The following KCNMA1 variants were observed in gnomAD, a reference collection of about 807,000 sequenced individuals.
KCNMA1 encodes potassium calcium-activated channel subfamily M alpha 1.
In KCNMA1, 29 loss-of-function variants were observed where a neutral mutation model predicts 140.0. The observed-to-expected ratio is 0.21, with a 90% confidence interval of 0.15 to 0.28. KCNMA1 has a LOEUF of 0.28. Among genes scored for constraint, KCNMA1 ranks in the 10% least tolerant of loss-of-function variants. The probability of loss-of-function intolerance (pLI) is 1.00; values close to 1 mark genes in which losing one functional copy is unlikely to be tolerated. For synonymous variants in KCNMA1, 612 were observed against 611.9 expected (o/e 1.00, Z 0.00); for missense variants, 880 against 1,602.2 (o/e 0.55, Z 7.70).
At chr10:76,987,113 C>G (rs1441026522) in intron 19 of KCNMA1, among the ~76,000 whole-genome samples, 1 of 149,684 alleles carries the variant, frequency 6.7e-6, no homozygotes, top group Non-Finnish European at 1.5e-5. Flanking sequence ...GACCTTTTTC[C>G]TTGAGATACA....
chr10:77,084,553 T>G, intron 12 of KCNMA1, 84 bp downstream of exon 12: 1 of 1,040,522 alleles, frequency 9.6e-7, no homozygotes, highest in South Asian at 1.3e-5. Flanking sequence ...CTCATAGAGA[T>G]AGTCCTCTGC....
chr10:77,189,079 G>A (rs2098914319), intron 3 of KCNMA1, among the ~76,000 whole-genome samples: 1 of 151,974 alleles, frequency 6.6e-6, no homozygotes, highest in Non-Finnish European at 1.5e-5. Flanking sequence ...AATCTTGCTG[G>A]GCTCCATCCC....
chr10:77,255,706 G>A (rs935450407), intron 2 of KCNMA1, among the ~76,000 whole-genome samples: 2 of 152,116 alleles, frequency 1.3e-5, no homozygotes, highest in African/African-American at 4.8e-5. Context: ...GAGGTCAGGA[G>A]TTCGAGACCA....
At chr10:77,351,972 G>A (rs2092939569) in intron 2 of KCNMA1, among the ~76,000 whole-genome samples, 1 of 152,164 alleles carries the variant, frequency 6.6e-6, no homozygotes, top group African/African-American at 2.4e-5. Flanking sequence ...AGTTCAGATT[G>A]GACAGGAATA....
At position 77,156,010 on chromosome 10, in the gene KCNMA1, G is replaced by A. The variant is rs370524537; in HGVS notation, c.808+27411C>T. 2.6e-3 allele frequency among the ~76,000 whole-genome samples: 400 copies of A among 152,074 alleles called. 5 individuals are homozygous for A. Among genetic ancestry groups the A allele is most frequent in the African/African-American group, 9.3e-3 (387 of 41,494 alleles). On this transcript the variant is annotated intron_variant, in intron 5 of 27. Transcript: ENST00000286628. ...TGGGAGGCCAAGGTGGGTGGATCAC[G>A]AGGTTAGGAGATCGAGACCATCCTG... is the stretch of plus-strand genomic sequence containing the variant.
At chr10:77,022,013 T>G (rs2092919971) in intron 16 of KCNMA1, among the ~76,000 whole-genome samples, 1 of 152,210 alleles carries the variant, frequency 6.6e-6, no homozygotes, top group South Asian at 2.1e-4. Context: ...ATCCCCGTCT[T>G]CTTCAAAATA....
At chr10:77,391,939 T>C (rs949257595) in intron 2 of KCNMA1, among the ~76,000 whole-genome samples, 1 of 149,652 alleles carries the variant, frequency 6.7e-6, no homozygotes, top group African/African-American at 2.4e-5. Context: ...AAGGATATTT[T>C]TCTGACAAAA....
At chr10:77,246,121 C>T (rs2058491186) in intron 3 of KCNMA1, among the ~76,000 whole-genome samples, 1 of 152,196 alleles carries the variant, frequency 6.6e-6, no homozygotes, top group Non-Finnish European at 1.5e-5. Flanking sequence ...ATGCAACTTC[C>T]CATTCTTGCA....
intron 23 of KCNMA1, among the ~76,000 whole-genome samples, chr10:76,922,000 G>A (rs923915773): frequency 2.6e-5 from 4 of 152,166 alleles, no homozygotes; most frequent in African/African-American, 7.2e-5. Flanking sequence ...CACCCCAACA[G>A]GGTAGAGGTA....
At chr10:77,002,693 T>C (rs2086886911) in intron 18 of KCNMA1, among the ~76,000 whole-genome samples, 2 of 152,168 alleles carry the variant, frequency 1.3e-5, no homozygotes, top group South Asian at 2.1e-4. Flanking sequence ...CCAATGCCCT[T>C]CACCTTTGCC....
intron 2 of KCNMA1, among the ~76,000 whole-genome samples, chr10:77,302,659 A>C (rs994325221): frequency 6.6e-6 from 1 of 152,168 alleles, no homozygotes; most frequent in Non-Finnish European, 1.5e-5. Context: ...GGACGTGAGA[A>C]TTGTCTACCA....
intron 3 of KCNMA1, among the ~76,000 whole-genome samples, chr10:77,194,220 T>A (rs2039651614): frequency 6.6e-6 from 1 of 152,174 alleles, no homozygotes; most frequent in African/African-American, 2.4e-5. Flanking sequence ...AAGAGCTCTC[T>A]ATTTGCCAAA....
intron 19 of KCNMA1, chr10:76,977,440 G>T (rs979982156): frequency 1.5e-5 from 10 of 651,928 alleles, no homozygotes; most frequent in Non-Finnish European, 2.5e-5. Context: ...CACAGTTGTT[G>T]GTTTACCAGC....
intron 14 of KCNMA1, among the ~76,000 whole-genome samples, chr10:77,061,005 G>T (rs1333330923): frequency 2.6e-5 from 4 of 152,086 alleles, no homozygotes; most frequent in African/African-American, 9.7e-5. Flanking sequence ...TTGGCCTCCA[G>T]AAAAGGAAGG....
At chr10:77,066,948 G>A (rs555547571) in intron 14 of KCNMA1, among the ~76,000 whole-genome samples, 76 of 152,212 alleles carry the variant, frequency 5.0e-4, no homozygotes, top group African/African-American at 1.7e-3. Flanking sequence ...ACCCTGCCAC[G>A]CAAGGTTGAG....
At chr10:76,989,943 T>C (rs995022823) in intron 19 of KCNMA1, among the ~76,000 whole-genome samples, 9 of 152,216 alleles carry the variant, frequency 5.9e-5, no homozygotes, top group African/African-American at 2.2e-4. Context: ...TCATCTCTGT[T>C]TCTTTGTTAA....
Position 76,886,974 on chromosome 10 carries a change from T to G in KCNMA1, c.*292A>C, listed in dbSNP as rs967077806. 3 of 1,249,828 alleles carry G rather than the reference T, an allele frequency of 2.4e-6. No individual in the cohort carries two copies. Among genetic ancestry groups the G allele is most frequent in the Middle Eastern group, 3.4e-4 (1 of 2,930 alleles). The allele number at this position is 1,249,828 out of a possible 1,614,324, so 77.4% of individuals were successfully genotyped here. A position where few individuals can be genotyped will look rare whatever the true frequency, so the allele number is the denominator to read the frequency against. ...ATCACAAGTGCTCCCTTCTAATCTG[T>G]GAACTCGTTCCTGCAGTGAGCTATT... On this transcript the variant is annotated 3_prime_UTR_variant, in exon 28 of 28. Transcript: ENST00000286628.
chr10:77,223,571 C>T (rs1409459020), intron 3 of KCNMA1, among the ~76,000 whole-genome samples: 1 of 152,154 alleles, frequency 6.6e-6, no homozygotes, highest in Non-Finnish European at 1.5e-5. Flanking sequence ...GACATGGTGA[C>T]AGAAAACTCA....
At chr10:77,501,064 G>T (rs369652439) in intron 1 of KCNMA1, among the ~76,000 whole-genome samples, 1 of 152,246 alleles carries the variant, frequency 6.6e-6, no homozygotes, top group East Asian at 1.9e-4. Flanking sequence ...GACCCACCAA[G>T]GCAACAATTA....
Sources: gnomAD v4.1 joint callset for allele counts (sites outside exome capture counted in the v4.1 genomes callset) on GRCh38, gnomAD v4.1.1 for gene constraint, MANE v1.5 for transcripts, NCBI Gene and HGNC (gene_info 2026-07-23, HGNC 2026-07-21) for gene names.